Variants in DRP2 observed in about 807,000 individuals in gnomAD.
DRP2 encodes dystrophin related protein 2.
In DRP2, 29 loss-of-function variants were observed where a neutral mutation model predicts 78.2. The ratio of observed to expected loss-of-function variants is 0.37; its 90% CI spans 0.28 to 0.51. The LOEUF is 0.51. Ranked by LOEUF, DRP2 falls within the 20% of genes least tolerant of loss-of-function variation. The probability of loss-of-function intolerance (pLI) is 0.94; values close to 1 mark genes in which losing one functional copy is unlikely to be tolerated. For synonymous variants in DRP2, 290 were observed against 281.9 expected (o/e 1.03, Z -0.29); for missense variants, 686 against 770.6 (o/e 0.89, Z 1.30).
chrX:101,243,690 C>T (rs1160583666), intron 9 of DRP2, among the ~76,000 whole-genome samples: 1 of 111,961 alleles, frequency 8.9e-6, no homozygotes, highest in Non-Finnish European at 1.9e-5. Flanking sequence ...CCTTAGACAG[C>T]TTATATTCTA....
chrX:101,260,850 C>T lies in DRP2; in HGVS notation c.*229C>T. The T allele has an allele frequency of 2.8e-6, 1 of 354,910 alleles. No individual in the cohort carries two copies. The highest frequency in any genetic ancestry group is 2.6e-5 in the African/African-American group (1 of 38,312). The allele number at this position is 354,910 out of a possible 1,213,427, so 29.2% of individuals were successfully genotyped here. On this transcript the variant is annotated 3_prime_UTR_variant, in exon 24 of 24. Transcript: ENST00000395209. ...TGACCCTAGAAATGTTCCCTTTAAT[C>T]TTCAAGTTCGAGATCAGCCCTTTAA...
chrX:101,241,496 AAGGGCTCAACC>A (rs1378585775), intron 6 of DRP2, among the ~76,000 whole-genome samples, 161 bp from the exon 7 acceptor site: 1 of 111,196 alleles, frequency 9.0e-6, no homozygotes, highest in African/African-American at 3.3e-5. Context: ...GACTGTATTA[AAGGGCTCAACC>A]ATGGAAAAAT....
At chrX:101,253,981 G>T (rs769449609) in intron 17 of DRP2, among the ~76,000 whole-genome samples, 2 of 110,073 alleles carry the variant, frequency 1.8e-5, no homozygotes, top group Non-Finnish European at 3.8e-5. Flanking sequence ...ATATAAAAGC[G>T]TTTAAAGTAT....
intron 10 of DRP2, 72 bp downstream of exon 10, chrX:101,245,149 C>T (rs772672834): frequency 9.7e-7 from 1 of 1,027,420 alleles, no homozygotes; most frequent in South Asian, 2.1e-5. Flanking sequence ...TTTTTGCTAC[C>T]TGTCCTTGTC....
In DRP2 at chrX:101,238,472, G is replaced by A. The variant is rs148089661; in HGVS notation, c.439-509G>A. 6.1e-3 allele frequency among the ~76,000 whole-genome samples: 568 copies of A among 93,801 alleles called. 3 individuals are homozygous for A. The highest frequency in any genetic ancestry group is 9.7e-3 in the Non-Finnish European group (464 of 47,821). The allele number at this position is 93,801 out of a possible 115,157, so 81.5% of individuals were successfully genotyped here. A position where few individuals can be genotyped will look rare whatever the true frequency, so the allele number is the denominator to read the frequency against. The stretch of plus-strand genomic sequence containing the variant: ...AGTGATTTTACAAGTAAAAATTGTG[G>A]TCACCTTTGTGGGAGGGGAGGGAGG... On this transcript the variant is annotated intron_variant, in intron 5 of 23. Transcript: ENST00000395209.
intron 16 of DRP2, chrX:101,251,952 AC>A (rs1297050981): frequency 1.8e-5 from 2 of 111,512 alleles, no homozygotes; most frequent in Non-Finnish European, 3.8e-5. Flanking sequence ...CCCTGTCATC[AC>A]CCTGCTTTTC....
chrX:101,229,453 T>C (rs1922226492), intron 2 of DRP2, among the ~76,000 whole-genome samples: 1 of 111,914 alleles, frequency 8.9e-6, no homozygotes, highest in African/African-American at 3.2e-5. Context: ...ATCTCCATTC[T>C]TTGGACTATG....
In DRP2 at chrX:101,235,906, G is replaced by A. The variant is rs747058818; in HGVS notation, c.164G>A (p.Gly55Glu). 6.6e-6 allele frequency: 8 copies of A among 1,211,664 alleles called. No individual in the cohort carries two copies. The highest frequency in any genetic ancestry group is 7.8e-6 in the Non-Finnish European group (7 of 895,398). The change falls in exon 4 of 24, where the codon GGG becomes GAG. Residue 55 changes from glycine to glutamate, a missense_variant. By Grantham distance (98) the Gly-to-Glu change is moderately conservative (BLOSUM62 -2). Transcript: ENST00000395209. ...TSPAPPQDGA[G>E]VPCLSLKLLN... is the part of the protein sequence containing the mutation. ...CCTGCACCTCCTCAAGATGGTGCTG[G>A]GGTTCCCTGCCTAAGCCTAAAGCTG...
At chrX:101,230,974 A>C (rs910603026) in intron 2 of DRP2, among the ~76,000 whole-genome samples, 1 of 111,618 alleles carries the variant, frequency 9.0e-6, no homozygotes, top group East Asian at 2.8e-4. Context: ...TCTGTATGTG[A>C]TACTCCTCAG....
At chrX:101,249,921 A>G (rs1923070169) in intron 14 of DRP2, among the ~76,000 whole-genome samples, 2 of 111,838 alleles carry the variant, frequency 1.8e-5, no homozygotes, top group African/African-American at 3.3e-5. Context: ...TTTTTGGATT[A>G]TGCATGCCAG....
chrX:101,256,069 C>T (rs985461813), intron 20 of DRP2, 49 bp from the exon 21 acceptor site: 1 of 1,117,563 alleles, frequency 8.9e-7, no homozygotes, highest in South Asian at 2.4e-5. Context: ...TGAGTTGTTT[C>T]TCTGTTCAAC....
At chrX:101,244,038 A>G (rs1922838900) in intron 9 of DRP2, among the ~76,000 whole-genome samples, 1 of 111,867 alleles carries the variant, frequency 8.9e-6, no homozygotes, top group African/African-American at 3.3e-5. Flanking sequence ...AGGCTGGAGC[A>G]TGTAAGGCCT....
At chrX:101,249,196 G>C (rs1256019324) in intron 14 of DRP2, among the ~76,000 whole-genome samples, 1 of 111,959 alleles carries the variant, frequency 8.9e-6, no homozygotes, top group Non-Finnish European at 1.9e-5. Context: ...TAAATTAGAC[G>C]TGGTCCCTGC....
At chrX:101,241,057 C>T (rs760627518) in intron 6 of DRP2, among the ~76,000 whole-genome samples, 2 of 112,097 alleles carry the variant, frequency 1.8e-5, no homozygotes, top group Admixed American at 1.9e-4. Context: ...ATTCCAGGGT[C>T]GTATGAATAG....
intron 6 of DRP2, among the ~76,000 whole-genome samples, chrX:101,241,310 T>G (rs1922715837): frequency 9.1e-6 from 1 of 110,236 alleles, no homozygotes; most frequent in South Asian, 3.8e-4. Flanking sequence ...TTGGACAAAA[T>G]TGGCAGATTA....
chrX:101,241,761 G>C lies in DRP2; in HGVS notation c.653G>C (p.Arg218Pro). ...GAACTGTGGGAGAAGTTGACAGCCC[G>C]CTGTGTGGACCAGCACCGTCACATT... ...ASELWEKLTA[R>P]CVDQHRHIER... The change falls in exon 7 of 24, where the codon CGC (arginine) becomes CCC (proline). Residue 218 changes from arginine to proline, a missense_variant. Coordinates refer to ENST00000395209, the MANE Select transcript of DRP2 (RefSeq NM_001939.3). The C allele has an allele frequency of 8.3e-7, 1 of 1,211,698 alleles. No individual in the cohort carries two copies.
chrX:101,251,178 T>TA, intron 16 of DRP2, 95 bp downstream of exon 16: 24 of 786,812 alleles, frequency 3.1e-5, no homozygotes, highest in Non-Finnish European at 4.3e-5. Flanking sequence ...CTAATTATTA[T>TA]ATAATTACAG....
intron 4 of DRP2, among the ~76,000 whole-genome samples, chrX:101,236,253 C>T (rs1033597272): frequency 8.1e-5 from 9 of 111,742 alleles, no homozygotes; most frequent in African/African-American, 2.6e-4. Flanking sequence ...TTTGAGTTCT[C>T]GAAATGTTAG....
rs751071281 is a variant in DRP2, at chrX:101,254,481, C to T, written c.2034C>T (p.Arg678=). 18 of 1,212,026 alleles carry T rather than the reference C, an allele frequency of 1.5e-5. No homozygotes were observed. The East Asian group carries it at 5.3e-4, about 36-fold the overall frequency. ...DFATTLKNKF[R]SKHYFSKHPQ... ...CCACAACCTTAAAGAACAAATTCCG[C>T]TCCAAGCATTATTTCAGCAAACACC... Residue 678 remains arginine (R), a synonymous_variant, in exon 18 of 24, where the codon CGC becomes CGT. Coordinates refer to ENST00000395209, the MANE Select transcript of DRP2 (RefSeq NM_001939.3).
Sources: allele counts gnomAD v4.1 joint callset (sites outside exome capture counted in the v4.1 genomes callset), GRCh38; gene constraint gnomAD v4.1.1; transcripts MANE v1.5; gene names NCBI Gene and HGNC (gene_info 2026-07-23, HGNC 2026-07-21).